The following PLEKHF2 variants were observed in gnomAD, a reference collection of about 807,000 sequenced individuals.
PLEKHF2 encodes the protein pleckstrin homology domain-containing family F member 2.
A neutral mutation model predicts 14.7 loss-of-function variants in PLEKHF2; 4 were observed. The observed-to-expected ratio is 0.27, with a 90% confidence interval of 0.13 to 0.62. PLEKHF2 has a LOEUF of 0.62. Among genes scored for constraint, PLEKHF2 ranks in the 20% least tolerant of loss-of-function variants. The probability of loss-of-function intolerance (pLI) is 0.85; values close to 1 mark genes in which losing one functional copy is unlikely to be tolerated. For missense variants in PLEKHF2, 201 were observed against 307.7 expected (o/e 0.65, Z 2.60); for synonymous variants, 90 against 103.5 (o/e 0.87, Z 0.79).
chr8:95,140,982 T>C (rs889652086), intron 1 of PLEKHF2, among the ~76,000 whole-genome samples: 1 of 152,182 alleles, frequency 6.6e-6, no homozygotes, highest in Admixed American at 6.5e-5. Flanking sequence ...ATCTTTCCTA[T>C]AGAAACACAA....
intron 1 of PLEKHF2, among the ~76,000 whole-genome samples, chr8:95,152,305 G>A (rs968920913): frequency 6.6e-6 from 1 of 151,998 alleles, no homozygotes; most frequent in African/African-American, 2.4e-5. Context: ...AAACAATGCT[G>A]TGCTGATTAT....
intron 1 of PLEKHF2, among the ~76,000 whole-genome samples, chr8:95,144,148 C>G (rs1337791076): frequency 6.6e-6 from 1 of 151,920 alleles, no homozygotes; most frequent in Non-Finnish European, 1.5e-5. Flanking sequence ...ATGGGACACC[C>G]CTGATTTAAA....
At chr8:95,144,090 T>C (rs1410847584) in intron 1 of PLEKHF2, among the ~76,000 whole-genome samples, 2 of 152,178 alleles carry the variant, frequency 1.3e-5, no homozygotes, top group African/African-American at 4.8e-5. Flanking sequence ...GTGTATTTTA[T>C]GTGTGGCCTG....
intron 1 of PLEKHF2, among the ~76,000 whole-genome samples, chr8:95,149,504 G>C (rs1390410082): frequency 6.6e-6 from 1 of 152,084 alleles, no homozygotes; most frequent in Non-Finnish European, 1.5e-5. Flanking sequence ...TGAGTAAAAT[G>C]AATAAAGCAA....
At chr8:95,148,268 G>A (rs1396778753) in intron 1 of PLEKHF2, among the ~76,000 whole-genome samples, 4 of 151,682 alleles carry the variant, frequency 2.6e-5, no homozygotes, top group Admixed American at 2.0e-4. Context: ...AAATATTAAA[G>A]ACAAAAAGTA....
At position 95,154,988 on chromosome 8, in the gene PLEKHF2, AGGGATAG is replaced by A; in HGVS notation, c.*196_*202del. 1.7e-6 allele frequency: 1 copy of A among 587,902 alleles called. No homozygotes were observed. The highest frequency in any genetic ancestry group is 3.0e-5 in the South Asian group (1 of 33,482). The allele number at this position is 587,902 out of a possible 1,614,324, so 36.4% of individuals were successfully genotyped here. ...TCTCCCACTCCTCACACTCTTCTAC[AGGGATAG>A]GCTTTTGCAAATATATCAGATAAAT... On this transcript the variant is annotated 3_prime_UTR_variant, in exon 2 of 2. Coordinates refer to ENST00000315367, the MANE Select transcript of PLEKHF2 (RefSeq NM_024613.4). The surrounding 1 kb of genome is among the most constrained non-coding windows in gnomAD (Gnocchi z 5.6).
chr8:95,134,881 C>T (rs1332855496), intron 1 of PLEKHF2, among the ~76,000 whole-genome samples: 3 of 152,158 alleles, frequency 2.0e-5, no homozygotes, highest in Non-Finnish European at 2.9e-5. Context: ...AAGATTTAGA[C>T]AGAAACTTTG....
At chr8:95,145,777 G>T (rs1242709973) in intron 1 of PLEKHF2, among the ~76,000 whole-genome samples, 2 of 152,252 alleles carry the variant, frequency 1.3e-5, no homozygotes, top group East Asian at 1.9e-4. Context: ...CTCTTACCAA[G>T]AATTCCCTGA....
In PLEKHF2 at chr8:95,154,389, T is replaced by C; in HGVS notation, c.345T>C (p.Thr115=). The change falls in exon 2 of 2, where the codon ACT becomes ACC. Residue 115 remains threonine (T), a synonymous_variant. Transcript: ENST00000315367. This position sits in a 1 kb window ranked among gnomAD's most constrained non-coding sequence, Gnocchi z 5.6. ...AATCTTTTGCAGTTTATGCTGCCACTGCTACGGAGAAATCAGAATGGATGA... is the reference window on the plus strand; with the variant it reads ...AATCTTTTGCAGTTTATGCTGCCACCGCTACGGAGAAATCAGAATGGATGA... The part of the protein sequence containing the change: ...PTKSFAVYAA[T]ATEKSEWMNH... The C allele has an allele frequency of 6.2e-7, 1 of 1,614,154 alleles. No homozygotes were observed. The highest frequency in any genetic ancestry group is 8.5e-7 in the Non-Finnish European group (1 of 1,180,000).
chr8:95,152,464 G>A (rs1045283266), intron 1 of PLEKHF2, among the ~76,000 whole-genome samples: 1 of 151,950 alleles, frequency 6.6e-6, no homozygotes, highest in Non-Finnish European at 1.5e-5. Context: ...ATTAATCTAA[G>A]TGAAAAATAT....
At position 95,154,273 on chromosome 8, in the gene PLEKHF2, C is replaced by T; in HGVS notation, c.229C>T (p.Gln77Ter). ...CATCCAGAAGAAAAAATATAACAAACAACATATTATTCCCCTGGAAAATGT... is the reference window on the plus strand; with the variant it reads ...CATCCAGAAGAAAAAATATAACAAATAACATATTATTCCCCTGGAAAATGT... Reference protein sequence around the residue: ...IVIQKKKYNKQHIIPLENVTI... With the variant: ...IVIQKKKYNK The change falls in exon 2 of 2, where the codon CAA becomes TAA. Residue 77 changes from glutamine to a stop codon, truncating the protein, a stop_gained. Coordinates refer to ENST00000315367, the MANE Select transcript of PLEKHF2 (RefSeq NM_024613.4). LOFTEE classifies it high-confidence loss of function. The surrounding 1 kb of genome is among the most constrained non-coding windows in gnomAD (Gnocchi z 5.6). 6.2e-7 allele frequency: 1 copy of T among 1,613,706 alleles called. No individual in the cohort carries two copies. The highest frequency in any genetic ancestry group is 8.5e-7 in the Non-Finnish European group (1 of 1,179,814).
chr8:95,140,138 A>G (rs1054725867), intron 1 of PLEKHF2, among the ~76,000 whole-genome samples: 3 of 152,160 alleles, frequency 2.0e-5, no homozygotes, highest in Non-Finnish European at 2.9e-5. Flanking sequence ...GGAGGACTTC[A>G]AGATAAACAT....
intron 1 of PLEKHF2, among the ~76,000 whole-genome samples, chr8:95,146,050 C>T (rs935762799): frequency 5.3e-5 from 8 of 152,056 alleles, no homozygotes; most frequent in Non-Finnish European, 8.8e-5. Context: ...AGCAGTGACA[C>T]GGATTTTAAA....
intron 1 of PLEKHF2, among the ~76,000 whole-genome samples, chr8:95,134,526 A>G (rs1039878250): frequency 6.6e-6 from 1 of 152,114 alleles, no homozygotes; most frequent in African/African-American, 2.4e-5. Context: ...TGAACTACAT[A>G]TTTGTATGTC....
chr8:95,142,047 T>A (rs1810445634), intron 1 of PLEKHF2, among the ~76,000 whole-genome samples: 1 of 152,200 alleles, frequency 6.6e-6, no homozygotes, highest in South Asian at 2.1e-4. Context: ...CTCCTTGTGT[T>A]TTGTATTAAC....
At chr8:95,134,872 A>G (rs559937389) in intron 1 of PLEKHF2, among the ~76,000 whole-genome samples, 1 of 152,190 alleles carries the variant, frequency 6.6e-6, no homozygotes, top group Non-Finnish European at 1.5e-5. Flanking sequence ...CATTAAAGAA[A>G]GATTTAGACA....
intron 1 of PLEKHF2, among the ~76,000 whole-genome samples, chr8:95,139,398 T>C (rs1810415590): frequency 6.6e-6 from 1 of 152,138 alleles, no homozygotes; most frequent in Non-Finnish European, 1.5e-5. Flanking sequence ...TCCCAACTAC[T>C]CAGGAGGCTG....
chr8:95,139,222 G>T (rs1341560017), intron 1 of PLEKHF2, among the ~76,000 whole-genome samples: 1 of 151,980 alleles, frequency 6.6e-6, no homozygotes, highest in African/African-American at 2.4e-5. Context: ...TACAAATGTT[G>T]GCCGGGTGCG....
At chr8:95,153,624 A>G in intron 1 of PLEKHF2, among the ~76,000 whole-genome samples, 1 of 152,172 alleles carries the variant, frequency 6.6e-6, no homozygotes, top group East Asian at 1.9e-4. Flanking sequence ...TTACTTGGAA[A>G]ATTGTAGTCA....
Sources: allele counts gnomAD v4.1 joint callset (sites outside exome capture counted in the v4.1 genomes callset), GRCh38; gene constraint gnomAD v4.1.1; non-coding constraint Gnocchi (gnomAD v3.1); transcripts MANE v1.5; gene names NCBI Gene and HGNC (gene_info 2026-07-23, HGNC 2026-07-21).